RRH: variants seen among roughly 807,000 people sequenced by gnomAD.
RRH encodes the protein visual pigment-like receptor peropsin.
A neutral mutation model predicts 33.1 loss-of-function variants in RRH; 36 were observed. The observed-to-expected ratio is 1.09, with a 90% CI of 0.83 to 1.44. RRH has a LOEUF of 1.44. Among genes scored for constraint, RRH ranks in the 40% most tolerant of loss-of-function variants. RRH has a pLI of 0.00. For synonymous variants in RRH, 124 were observed against 140.2 expected (o/e 0.88, Z 0.82); for missense variants, 393 against 420.2 (o/e 0.94, Z 0.57).
At chr4:109,837,869 G>A (rs1048910519) in intron 5 of RRH, among the ~76,000 whole-genome samples, 1 of 151,820 alleles carries the variant, frequency 6.6e-6, no homozygotes, top group East Asian at 1.9e-4. Context: ...TCCGCCTCCC[G>A]GGTTCAAGTG....
At chr4:109,834,018 A>G (rs1050622022) in intron 2 of RRH, among the ~76,000 whole-genome samples, 1 of 152,204 alleles carries the variant, frequency 6.6e-6, no homozygotes, top group Non-Finnish European at 1.5e-5. Context: ...ATAATGATGA[A>G]GGCCACCGCA....
At chr4:109,830,492 T>G (rs1052705286) in intron 1 of RRH, among the ~76,000 whole-genome samples, 1 of 152,042 alleles carries the variant, frequency 6.6e-6, no homozygotes, top group Admixed American at 6.6e-5. Flanking sequence ...GATTGGATGT[T>G]GGGATTGTGG....
chr4:109,841,636 G>A (rs897854271), intron 5 of RRH, among the ~76,000 whole-genome samples: 2 of 152,100 alleles, frequency 1.3e-5, no homozygotes, highest in African/African-American at 4.8e-5. Flanking sequence ...GGATTGGTCT[G>A]TATCTGGTTT....
At chr4:109,835,657 T>G (rs1265346986) in intron 3 of RRH, among the ~76,000 whole-genome samples, 192 bp downstream of exon 3, 1 of 152,232 alleles carries the variant, frequency 6.6e-6, no homozygotes, top group African/African-American at 2.4e-5. Context: ...ATAAGGCTAT[T>G]CACACTTTGA....
chr4:109,828,101 A>G lies in RRH; in HGVS notation c.74A>G (p.His25Arg), dbSNP rs779915488. The G allele has an allele frequency of 1.9e-6, 3 of 1,611,910 alleles. No individual in the cohort carries two copies. The South Asian group carries it at 3.3e-5, about 18-fold the overall frequency. The change falls in exon 1 of 7, where the codon CAC becomes CGC. Residue 25 changes from histidine to arginine, a missense_variant. Physicochemically the swap from His to Arg is conservative, Grantham distance 29. Coordinates refer to ENST00000317735, the MANE Select transcript of RRH (RefSeq NM_006583.5). ...EDGSVFSQTEHNIVATYLIMA... is the reference protein window; with the variant it reads ...EDGSVFSQTERNIVATYLIMA... ...GGCTCGGTCTTTTCACAGACTGAACACAATATTGTTGCAACTTACTTGATT... is the reference window on the plus strand; with the variant it reads ...GGCTCGGTCTTTTCACAGACTGAACGCAATATTGTTGCAACTTACTTGATT...
chr4:109,835,154 C>A (rs186617315), intron 2 of RRH, among the ~76,000 whole-genome samples: 24 of 152,076 alleles, frequency 1.6e-4, no homozygotes, highest in African/African-American at 5.8e-4. Flanking sequence ...TTAAAATTTT[C>A]AAAAAAGTCC....
chr4:109,837,350 T>G, intron 4 of RRH, 87 bp from the exon 5 acceptor site: 1 of 1,127,424 alleles, frequency 8.9e-7, no homozygotes, highest in Non-Finnish European at 1.3e-6. Flanking sequence ...TGACTACCAG[T>G]ATTGTTTTTA....
At chr4:109,832,678 A>G (rs1427973346) in intron 1 of RRH, among the ~76,000 whole-genome samples, 9 of 152,152 alleles carry the variant, frequency 5.9e-5, no homozygotes, top group Admixed American at 5.9e-4. Context: ...GGCTGAAAAT[A>G]GTGACAAAAG....
Position 109,844,503 on chromosome 4 carries a change from G to T in RRH, c.*306G>T. Reference sequence around the variant, plus strand: ...GTACTGATGACCTTTAACTTGCCTGGCTCCTCCATTAGAATAAAAGCAGTC... The same window carrying T: ...GTACTGATGACCTTTAACTTGCCTGTCTCCTCCATTAGAATAAAAGCAGTC... On this transcript the variant is annotated 3_prime_UTR_variant, in exon 7 of 7. Transcript: ENST00000317735. 5.5e-6 allele frequency: 1 copy of T among 183,222 alleles called. No homozygotes were observed. The highest frequency in any genetic ancestry group is 1.1e-5 in the Non-Finnish European group (1 of 87,190). The allele number at this position is 183,222 out of a possible 1,614,324, so 11.3% of individuals were successfully genotyped here.
intron 6 of RRH, among the ~76,000 whole-genome samples, chr4:109,843,247 CTG>C (rs1734016488): frequency 6.6e-6 from 1 of 152,238 alleles, no homozygotes; most frequent in Non-Finnish European, 1.5e-5. Flanking sequence ...GAGTCTCTCT[CTG>C]TCACCCAGGC....
chr4:109,837,407 G>A, intron 4 of RRH, 30 bp from the exon 5 acceptor site: 1 of 1,598,378 alleles, frequency 6.3e-7, no homozygotes, highest in African/African-American at 1.3e-5. Flanking sequence ...CATTAAATGA[G>A]CAATCATGAT....
At chr4:109,842,906 T>G (rs1734011607) in intron 6 of RRH, among the ~76,000 whole-genome samples, 1 of 152,164 alleles carries the variant, frequency 6.6e-6, no homozygotes, top group Non-Finnish European at 1.5e-5. Flanking sequence ...AAATGCCAAT[T>G]GCATCTCAGA....
At chr4:109,843,868 G>A (rs1248803705) in intron 6 of RRH, among the ~76,000 whole-genome samples, 1 of 152,050 alleles carries the variant, frequency 6.6e-6, no homozygotes, top group African/African-American at 2.4e-5. Flanking sequence ...TTTCTCAACA[G>A]GAAATCTATA....
chr4:109,833,367 A>G (rs1208244441), intron 2 of RRH, 38 bp downstream of exon 2: 2 of 1,490,134 alleles, frequency 1.3e-6, no homozygotes, highest in East Asian at 4.6e-5. Context: ...AAATAAATAG[A>G]TCAAATAAAT....
intron 1 of RRH, among the ~76,000 whole-genome samples, chr4:109,829,975 T>C (rs372211184): frequency 6.7e-6 from 1 of 149,114 alleles, no homozygotes; most frequent in South Asian, 2.1e-4. Context: ...ACCAAAACTA[T>C]GAGGAAAGGG....
rs914824160 is a variant in RRH at position 109,837,760 on chromosome 4, T to G, written c.720+155T>G. 3.9e-5 allele frequency among the ~76,000 whole-genome samples: 6 copies of G among 152,176 alleles called. No individual in the cohort carries two copies. The South Asian group carries it at 8.3e-4, about 21-fold the overall frequency. ...GTGTTTGCTTCCTCATTTCTTTTTT[T>G]GCTTTTATTTTTGTTTTTTGCTTTT... On this transcript the variant is annotated intron_variant, in intron 5 of 6. Transcript: ENST00000317735.
intron 1 of RRH, among the ~76,000 whole-genome samples, chr4:109,829,418 A>G (rs1579358079): frequency 3.3e-5 from 1 of 30,072 alleles, no homozygotes; most frequent in South Asian, 8.2e-4. Context: ...GTAGATGACC[A>G]AAAAAAAAAA....
intron 1 of RRH, among the ~76,000 whole-genome samples, chr4:109,830,086 A>G (rs1733718130): frequency 6.6e-6 from 1 of 152,192 alleles, no homozygotes; most frequent in Non-Finnish European, 1.5e-5. Flanking sequence ...TTTGGCTCCT[A>G]TAAACTGTTA....
In RRH at chr4:109,828,007, T is replaced by C; in HGVS notation, c.-21T>C. 3 of 1,463,798 alleles carry C rather than the reference T, an allele frequency of 2.0e-6. No homozygotes were observed. Among genetic ancestry groups the C allele is most frequent in the Non-Finnish European group, 2.9e-6 (3 of 1,043,582 alleles). 90.7% of individuals were successfully genotyped at this position (1,463,798 alleles called of 1,614,324 possible). A position where few individuals can be genotyped will look rare whatever the true frequency, so the allele number is the denominator to read the frequency against. The stretch of plus-strand genomic sequence containing the variant: ...TATCGAAGGCTTATTATGAAGGGTG[T>C]TTCGGTATCTTCCCTCCAAAATGCT... On this transcript the variant is annotated 5_prime_UTR_variant, in exon 1 of 7. Transcript: ENST00000317735.
Sources: allele counts gnomAD v4.1 joint callset (sites outside exome capture counted in the v4.1 genomes callset), GRCh38; gene constraint gnomAD v4.1.1; transcripts MANE v1.5; gene names NCBI Gene and HGNC (gene_info 2026-07-23, HGNC 2026-07-21).